AUTS2: variants seen among roughly 807,000 people sequenced by gnomAD.
AUTS2 encodes activator of transcription and developmental regulator AUTS2.
Under a neutral mutation model 112.4 loss-of-function variants are expected in AUTS2, and 17 were observed. The ratio of observed to expected loss-of-function variants is 0.15; its 90% CI spans 0.10 to 0.23. The LOEUF is 0.23. AUTS2 is among the 10% of genes least tolerant of loss of function. The pLI is 1.00. For missense variants in AUTS2, 1,510 were observed against 1,701.6 expected (o/e 0.89, Z 1.98); for synonymous variants, 751 against 702.7 (o/e 1.07, Z -1.09).
chr7:70,321,467 A>G (rs980538656), intron 4 of AUTS2, among the ~76,000 whole-genome samples: 2 of 152,190 alleles, frequency 1.3e-5, no homozygotes, highest in African/African-American at 4.8e-5. Flanking sequence ...GTGAACAGAA[A>G]GTAAGGAAGC....
intron 4 of AUTS2, among the ~76,000 whole-genome samples, chr7:70,303,690 C>T (rs1313279474): frequency 6.6e-6 from 1 of 152,184 alleles, no homozygotes; most frequent in African/African-American, 2.4e-5. Context: ...AGGCCATCTT[C>T]TGGCCCCCAT....
chr7:69,747,784 G>GGTGTGTGTGTGTGTGTGT (rs10695531), intron 1 of AUTS2, among the ~76,000 whole-genome samples: 16 of 144,500 alleles, frequency 1.1e-4, no homozygotes, highest in African/African-American at 1.8e-4. Context: ...GAAGGAGAGG[G>GGTGTGTGTGTGTGTGTGT]GTGTGTGTGT....
intron 4 of AUTS2, among the ~76,000 whole-genome samples, chr7:70,343,696 C>T (rs1028645992): frequency 6.6e-6 from 1 of 152,042 alleles, no homozygotes; most frequent in Admixed American, 6.5e-5. Context: ...AAGGGGATTA[C>T]AGGATTTTGC....
chr7:70,484,225 C>T (rs1234046748), intron 5 of AUTS2, among the ~76,000 whole-genome samples: 1 of 152,124 alleles, frequency 6.6e-6, no homozygotes, highest in Non-Finnish European at 1.5e-5. Context: ...TTCAAAAATC[C>T]ATATCGGAAT....
chr7:69,733,596 A>G (rs190018169), intron 1 of AUTS2, among the ~76,000 whole-genome samples: 1 of 152,260 alleles, frequency 6.6e-6, no homozygotes, highest in East Asian at 1.9e-4. Context: ...TAAAAATGAG[A>G]TGCTAACTTT....
chr7:70,003,371 A>G (rs1799316569), intron 2 of AUTS2, among the ~76,000 whole-genome samples: 1 of 127,246 alleles, frequency 7.9e-6, no homozygotes, highest in East Asian at 2.2e-4. Flanking sequence ...AATATATTAT[A>G]TATGTGAATA....
At chr7:70,083,858 G>T (rs1049015553) in intron 2 of AUTS2, among the ~76,000 whole-genome samples, 1 of 152,076 alleles carries the variant, frequency 6.6e-6, no homozygotes, top group Non-Finnish European at 1.5e-5. Flanking sequence ...GAGGTGGGAG[G>T]ATTGCTTGAG....
chr7:70,407,746 T>G (rs1794598493), intron 4 of AUTS2, among the ~76,000 whole-genome samples: 1 of 151,772 alleles, frequency 6.6e-6, no homozygotes, highest in Non-Finnish European at 1.5e-5. Context: ...AAATGAGACC[T>G]CGTCTCTACA....
chr7:69,643,642 C>T (rs373900949), intron 1 of AUTS2, among the ~76,000 whole-genome samples: 5 of 152,120 alleles, frequency 3.3e-5, no homozygotes, highest in East Asian at 1.9e-4. Flanking sequence ...GCCAACCCCC[C>T]ACCCCGCCCC....
intron 2 of AUTS2, among the ~76,000 whole-genome samples, chr7:69,957,050 CTTT>C (rs759318185): frequency 3.8e-5 from 5 of 132,334 alleles, no homozygotes; most frequent in Admixed American, 7.7e-5. Flanking sequence ...TTTGTTCTTT[CTTT>C]TTTTTTTTTT....
intron 4 of AUTS2, among the ~76,000 whole-genome samples, chr7:70,151,143 C>A (rs1329666303): frequency 6.6e-6 from 1 of 152,112 alleles, no homozygotes; most frequent in East Asian, 1.9e-4. Context: ...AGCAAAAATT[C>A]AAAGGACAGA....
intron 5 of AUTS2, among the ~76,000 whole-genome samples, chr7:70,553,293 T>G (rs143833653): frequency 3.7e-4 from 56 of 152,326 alleles, no homozygotes; most frequent in African/African-American, 1.3e-3. Context: ...TAATTCTCAT[T>G]TTATTGCATT....
intron 5 of AUTS2, among the ~76,000 whole-genome samples, chr7:70,646,474 C>A (rs1806166602): frequency 6.6e-6 from 1 of 152,212 alleles, no homozygotes; most frequent in African/African-American, 2.4e-5. Flanking sequence ...GGTCCCAAGT[C>A]AAATGTCAGA....
chr7:70,491,490 A>G (rs1299422713), intron 5 of AUTS2, among the ~76,000 whole-genome samples: 1 of 148,252 alleles, frequency 6.7e-6, no homozygotes, highest in African/African-American at 2.5e-5. Flanking sequence ...TATGTTATAT[A>G]TACACATAAT....
At chr7:70,725,958 G>A (rs1787002301) in intron 6 of AUTS2, among the ~76,000 whole-genome samples, 1 of 150,850 alleles carries the variant, frequency 6.6e-6, no homozygotes, top group African/African-American at 2.4e-5. Context: ...GGACATTGAG[G>A]TTGCAGTGAG....
intron 4 of AUTS2, among the ~76,000 whole-genome samples, chr7:70,369,287 T>G (rs2129629750): frequency 6.6e-6 from 1 of 152,254 alleles, no homozygotes; most frequent in African/African-American, 2.4e-5. Flanking sequence ...TGGCACTAGG[T>G]GTAATCGAGA....
chr7:70,193,809 C>T lies in AUTS2; in HGVS notation c.660+59238C>T, dbSNP rs142653272. On this transcript the variant is annotated intron_variant, in intron 4 of 18. Coordinates refer to ENST00000342771, the MANE Select transcript of AUTS2 (RefSeq NM_015570.4). ...CTCTGGGGAAGAAAGTGCAGTGATT[C>T]GTGTAACCTACTGTCAGTGTTATTT... Among the ~76,000 whole-genome samples, 56 of 152,278 alleles carry T rather than the reference C, an allele frequency of 3.7e-4. 1 individual carries two copies. The East Asian group carries it at 0.011, about 29-fold the overall frequency.
chr7:69,794,669 A>G (rs1789760427), intron 1 of AUTS2, among the ~76,000 whole-genome samples: 1 of 151,884 alleles, frequency 6.6e-6, no homozygotes, highest in Non-Finnish European at 1.5e-5. Flanking sequence ...TAATGTCACT[A>G]TTTTGACAGT....
intron 5 of AUTS2, among the ~76,000 whole-genome samples, chr7:70,471,040 C>T (rs1344189743): frequency 2.0e-5 from 3 of 152,188 alleles, no homozygotes; most frequent in East Asian, 1.9e-4. Context: ...GAGCCGGGCT[C>T]TTCCCCCTGG....
Sources: allele counts gnomAD v4.1 joint callset (sites outside exome capture counted in the v4.1 genomes callset), GRCh38; gene constraint gnomAD v4.1.1; transcripts MANE v1.5; gene names NCBI Gene and HGNC (gene_info 2026-07-23, HGNC 2026-07-21).